C8B: variants seen among roughly 807,000 people sequenced by gnomAD.
C8B encodes complement component C8 beta chain.
C8B carries 67 observed loss-of-function variants against 64.6 expected under a neutral mutation model. The ratio of observed to expected loss-of-function variants is 1.04; its 90% confidence interval spans 0.85 to 1.27. C8B has a LOEUF of 1.27. Ranked by LOEUF, C8B falls within the 50% of genes most tolerant of loss-of-function variation. The pLI, the probability that C8B is intolerant of heterozygous loss-of-function variation, is 0.00. For missense variants in C8B, 790 were observed against 725.2 expected, an observed-to-expected ratio of 1.09 and a Z score of -1.03; for synonymous variants, 284 against 257.7, an observed-to-expected ratio of 1.10 and a Z score of -0.98.
At chr1:56,935,016 A>G (rs1644756111) in intron 9 of C8B, among the ~76,000 whole-genome samples, 1 of 152,220 alleles carries the variant, frequency 6.6e-6, no homozygotes. Flanking sequence ...GTGGAGGTCT[A>G]CAAATATGAT....
At chr1:56,955,528 A>T (rs868232935) in intron 3 of C8B, among the ~76,000 whole-genome samples, 1 of 152,194 alleles carries the variant, frequency 6.6e-6, no homozygotes, top group African/African-American at 2.4e-5. Context: ...AGGTAGTCCT[A>T]TTTCCTCAGA....
intron 3 of C8B, among the ~76,000 whole-genome samples, chr1:56,955,094 G>A (rs574227769): frequency 1.2e-3 from 182 of 152,224 alleles, no homozygotes; most frequent in African/African-American, 3.6e-3. Context: ...GGAAAGAGGG[G>A]GTGGGATGGG....
Position 56,952,180 on chromosome 1 carries a change from C to T in C8B, c.534G>A (p.Gly178=). Residue 178 remains glycine (G), a splice_region_variant and synonymous_variant, in exon 5 of 12, where the codon GGG becomes GGA. Coordinates refer to ENST00000371237, the MANE Select transcript of C8B (RefSeq NM_000066.4). ...CAAAACTGTTTGTGAACAAATTTATCCTGTGAGGAAGAGACAGAGATGGCG... is the reference window on the plus strand; with the variant it reads ...CAAAACTGTTTGTGAACAAATTTATTCTGTGAGGAAGAGACAGAGATGGCG... The part of the protein sequence containing the change: ...QYWGIGSLAS[G]INLFTNSFEG... The T allele has an allele frequency of 6.2e-7, 1 of 1,614,152 alleles. No homozygotes were observed. The highest frequency in any genetic ancestry group is 8.5e-7 in the Non-Finnish European group (1 of 1,180,004).
chr1:56,937,581 GA>G (rs1177881456), intron 9 of C8B, among the ~76,000 whole-genome samples: 1 of 152,104 alleles, frequency 6.6e-6, no homozygotes, highest in African/African-American at 2.4e-5. Flanking sequence ...GACTAGCATA[GA>G]AATGTACATG....
intron 9 of C8B, among the ~76,000 whole-genome samples, chr1:56,935,114 G>A (rs1644757604): frequency 6.6e-6 from 1 of 152,044 alleles, no homozygotes; most frequent in Non-Finnish European, 1.5e-5. Context: ...ATTCATATAT[G>A]GTATTACCAG....
rs1445653989 is a variant in C8B at position 56,933,412 on chromosome 1, G to A, written c.1475C>T (p.Ala492Val). ...AACTTCCTTCTGGAACTCCTCCAGTGCCTGCTTCATGTTCTGCCTCACTGT... is the reference window on the plus strand; with the variant it reads ...AACTTCCTTCTGGAACTCCTCCAGTACCTGCTTCATGTTCTGCCTCACTGT... ...SSTVRQNMKQALEEFQKEVSS... is the reference protein window; with the variant it reads ...SSTVRQNMKQVLEEFQKEVSS... Residue 492 changes from alanine to valine, a missense_variant, in exon 10 of 12, where the codon GCA becomes GTA. By Grantham distance (64) the Ala-to-Val change is moderately conservative. Transcript: ENST00000371237. The A allele has an allele frequency of 6.8e-6, 11 of 1,612,882 alleles. No individual in the cohort carries two copies. In the Middle Eastern group the frequency reaches 4.9e-4, roughly 72 times the overall value.
At position 56,933,373 on chromosome 1, in the gene C8B, C is replaced by G. The variant is rs749145544; in HGVS notation, c.1514G>C (p.Cys505Ser). The G allele has an allele frequency of 6.2e-7, 1 of 1,613,832 alleles. No individual in the cohort carries two copies. The highest frequency in any genetic ancestry group is 8.5e-7 in the Non-Finnish European group (1 of 1,179,754). Residue 505 changes from cysteine (C) to serine (S), a missense_variant, in exon 10 of 12, where the codon TGT becomes TCT. Physicochemically the swap from Cys to Ser is moderately radical, Grantham distance 112. Coordinates refer to ENST00000371237, the MANE Select transcript of C8B (RefSeq NM_000066.4). ...GACTCCATTTCCTTGGCAGGGAGCA[C>G]AGTGGCAGGAACTAACTTCCTTCTG... Reference protein sequence around the residue: ...EFQKEVSSCHCAPCQGNGVPV... With the variant: ...EFQKEVSSCHSAPCQGNGVPV...
chr1:56,952,552 G>A (rs555112904), intron 4 of C8B, among the ~76,000 whole-genome samples: 3 of 152,284 alleles, frequency 2.0e-5, no homozygotes, highest in African/African-American at 7.2e-5. Flanking sequence ...CTTGAAGCCC[G>A]CAGCCCAGCT....
intron 2 of C8B, among the ~76,000 whole-genome samples, chr1:56,957,673 T>G (rs1645122059): frequency 6.6e-6 from 1 of 152,186 alleles, no homozygotes; most frequent in South Asian, 2.1e-4. Context: ...CCACCCAGTG[T>G]TGAAAAGGTA....
At chr1:56,963,132 T>C (rs540391102) in intron 1 of C8B, among the ~76,000 whole-genome samples, 1 of 152,278 alleles carries the variant, frequency 6.6e-6, no homozygotes, top group Non-Finnish European at 1.5e-5. Flanking sequence ...GAGGTGTCTT[T>C]CCTGGGGATG....
chr1:56,959,540 G>T, intron 2 of C8B: 1 of 1,501,474 alleles, frequency 6.7e-7, no homozygotes, highest in South Asian at 1.2e-5. Context: ...TGAGAAAGCA[G>T]CATGAAGAAA....
intron 9 of C8B, among the ~76,000 whole-genome samples, chr1:56,938,545 A>G (rs540826304): frequency 2.0e-5 from 3 of 152,234 alleles, no homozygotes; most frequent in South Asian, 4.1e-4. Flanking sequence ...CATAATTTCA[A>G]TCTTTTGTGT....
At chr1:56,940,165 A>G (rs767331711) in intron 9 of C8B, among the ~76,000 whole-genome samples, 1 of 152,204 alleles carries the variant, frequency 6.6e-6, no homozygotes, top group Non-Finnish European at 1.5e-5. Flanking sequence ...GTTTAAATGA[A>G]TAAATAACTA....
intron 5 of C8B, 69 bp downstream of exon 5, chr1:56,951,979 C>T (rs1427468483): frequency 5.1e-5 from 35 of 683,440 alleles, no homozygotes; most frequent in East Asian, 2.4e-4. Flanking sequence ...GCTGTCAGGC[C>T]GGACCATGGA....
chr1:56,945,961 T>C lies in C8B; in HGVS notation c.965A>G (p.Lys322Arg), dbSNP rs1231073453. ...GTAGCTGTACTCCAGGGGCAGCCGC[T>C]TAACTCTCTGAAGGAACTCGTAATG... ...MLHYEFLQRV[K>R]RLPLEYSYGE... The change falls in exon 7 of 12, where the codon AAG (lysine) becomes AGG (arginine). Residue 322 changes from lysine to arginine, a missense_variant. Physicochemically the swap from Lys to Arg is conservative, Grantham distance 26. Coordinates refer to ENST00000371237, the MANE Select transcript of C8B (RefSeq NM_000066.4). 1 of 1,614,034 alleles carries C rather than the reference T, an allele frequency of 6.2e-7. No homozygotes were observed. Among genetic ancestry groups the C allele is most frequent in the Non-Finnish European group, 8.5e-7 (1 of 1,180,028 alleles).
intron 11 of C8B, 46 bp from the exon 12 acceptor site, chr1:56,929,604 T>C: frequency 1.3e-6 from 2 of 1,591,408 alleles, no homozygotes; most frequent in Non-Finnish European, 1.7e-6. Flanking sequence ...CTTCTTATAT[T>C]CTGGTGCCTT....
At chr1:56,936,611 T>C (rs1158092054) in intron 9 of C8B, among the ~76,000 whole-genome samples, 1 of 151,672 alleles carries the variant, frequency 6.6e-6, no homozygotes, top group Non-Finnish European at 1.5e-5. Context: ...CTTTTTTTTT[T>C]TGAGACAGAG....
rs1557733377 is a variant in C8B at position 56,943,768 on chromosome 1, C to T, written c.1162G>A (p.Ala388Thr). 1 of 1,614,082 alleles carries T rather than the reference C, an allele frequency of 6.2e-7. No individual in the cohort carries two copies. The highest frequency in any genetic ancestry group is 2.2e-5 in the East Asian group (1 of 44,878). The change falls in exon 8 of 12, where the codon GCC becomes ACC. Residue 388 changes from alanine (A) to threonine (T), a missense_variant. Physicochemically the swap from Ala to Thr is moderately conservative, Grantham distance 58. Transcript: ENST00000371237. ...AGACTGACGTAGACCTCTTCAATGGCACCACCAATTTTAAAATCATTTTTG... is the reference window on the plus strand; with the variant it reads ...AGACTGACGTAGACCTCTTCAATGGTACCACCAATTTTAAAATCATTTTTG... ...CAKNDFKIGGAIEEVYVSLGV... is the reference protein window; with the variant it reads ...CAKNDFKIGGTIEEVYVSLGV...
intron 2 of C8B, chr1:56,959,498 C>T: frequency 7.8e-7 from 1 of 1,283,636 alleles, no homozygotes; most frequent in Non-Finnish European, 1.1e-6. Flanking sequence ...TAGGTGTTCA[C>T]CAGTGAAGGA....
Sources: gnomAD v4.1 joint callset for allele counts (sites outside exome capture counted in the v4.1 genomes callset) on GRCh38, gnomAD v4.1.1 for gene constraint, MANE v1.5 for transcripts, NCBI Gene and HGNC (gene_info 2026-07-23, HGNC 2026-07-21) for gene names.